Variants in KDM4E observed in about 807,000 individuals in gnomAD.
The protein encoded by KDM4E is lysine-specific demethylase 4E.
For missense variants in KDM4E, 576 were observed against 642.6 expected (o/e 0.90, Z 1.12); for synonymous variants, 229 against 232.9 (o/e 0.98, Z 0.15).
rs1858286039 is a variant in KDM4E, at chr11:95,027,473, T to C, written c.*395T>C. 1.0e-5 allele frequency: 2 copies of C among 197,582 alleles called. No individual in the cohort carries two copies. Among genetic ancestry groups the C allele is most frequent in the Non-Finnish European group, 2.1e-5 (2 of 95,024 alleles). The allele number at this position is 197,582 out of a possible 1,614,324, so 12.2% of individuals were successfully genotyped here. On this transcript the variant is annotated 3_prime_UTR_variant, in exon 1 of 1. Transcript: ENST00000450979. The stretch of plus-strand genomic sequence containing the variant: ...TGAGTTTAGGGATATTTTCCTCCAA[T>C]ACATGATCAATCCTCTGGATCCACG...
At position 95,026,034 on chromosome 11, in the gene KDM4E, C is replaced by T. The variant is rs1488001357; in HGVS notation, c.477C>T (p.Asp159=). The change falls in exon 1 of 1, where the codon GAC becomes GAT. Residue 159 remains aspartate, a synonymous_variant. Transcript: ENST00000450979. ...WNLGHLGTIL[D]LLEQECGVVI... ...TAGGACACCTGGGAACAATTCTGGA[C>T]CTGTTGGAGCAGGAATGTGGGGTTG... is the stretch of plus-strand genomic sequence containing the variant. The T allele has an allele frequency of 6.2e-7, 1 of 1,611,310 alleles. No individual in the cohort carries two copies. The highest frequency in any genetic ancestry group is 8.5e-7 in the Non-Finnish European group (1 of 1,178,266).
rs782120741 is a variant in KDM4E, at chr11:95,025,747, G to C, written c.190G>C (p.Glu64Gln). The C allele has an allele frequency of 1.3e-6, 2 of 1,585,416 alleles. No homozygotes were observed. The highest frequency in any genetic ancestry group is 2.3e-5 in the East Asian group (1 of 43,880). Residue 64 changes from glutamate to glutamine, a missense_variant, in exon 1 of 1, where the codon GAA becomes CAA. Physicochemically the swap from Glu to Gln is conservative, Grantham distance 29. Transcript: ENST00000450979. ...AGCCAGACAGATGTATGATGATATC[G>C]AAGACATCTTAATAGCCACTCCCCT... ...WKARQMYDDI[E>Q]DILIATPLQQ...
Position 95,027,345 on chromosome 11 carries a change from A to C in KDM4E, c.*267A>C. Reference sequence around the variant, plus strand: ...GACACTTGCCTGGTGAACATGGGCAAGGCTGTAGCAATGGACCACTTTTAC... The same window carrying C: ...GACACTTGCCTGGTGAACATGGGCACGGCTGTAGCAATGGACCACTTTTAC... On this transcript the variant is annotated 3_prime_UTR_variant, in exon 1 of 1. Coordinates refer to ENST00000450979, the MANE Select transcript of KDM4E (RefSeq NM_001161630.1). 2.0e-6 allele frequency: 1 copy of C among 495,260 alleles called. No individual in the cohort carries two copies. The highest frequency in any genetic ancestry group is 3.6e-6 in the Non-Finnish European group (1 of 279,796). The allele number at this position is 495,260 out of a possible 1,614,324, so 30.7% of individuals were successfully genotyped here.
chr11:95,025,623 G>A lies in KDM4E; in HGVS notation c.66G>A (p.Met22Ile), dbSNP rs782792465. 5.9e-6 allele frequency: 9 copies of A among 1,537,522 alleles called. No individual in the cohort carries two copies. Among genetic ancestry groups the A allele is most frequent in the Admixed American group, 3.9e-5 (2 of 51,050 alleles). ...CCATCATGACGTTTTACCCAACCATGGAAGAATTTGCAGATTTCAACACAT... is the reference window on the plus strand; with the variant it reads ...CCATCATGACGTTTTACCCAACCATAGAAGAATTTGCAGATTTCAACACAT... ...SHTIMTFYPT[M>I]EEFADFNTYV... is the part of the protein sequence containing the mutation. Residue 22 changes from methionine to isoleucine, a missense_variant, in exon 1 of 1, where the codon ATG (methionine) becomes ATA (isoleucine). Physicochemically the swap from Met to Ile is conservative, Grantham distance 10. Transcript: ENST00000450979.
rs1292060657 is a variant in KDM4E, at chr11:95,025,497, A to T, written c.-61A>T. The T allele has an allele frequency of 1.4e-6, 2 of 1,462,752 alleles. No individual in the cohort carries two copies. The highest frequency in any genetic ancestry group is 1.8e-6 in the Non-Finnish European group (2 of 1,110,906). 90.6% of individuals were successfully genotyped at this position (1,462,752 alleles called of 1,614,324 possible). A position where few individuals can be genotyped will look rare whatever the true frequency, so the allele number is the denominator to read the frequency against. On this transcript the variant is annotated 5_prime_UTR_variant, in exon 1 of 1. Coordinates refer to ENST00000450979, the MANE Select transcript of KDM4E (RefSeq NM_001161630.1). ...GGGAGAAAAGAAATTACTCCCCAGA[A>T]CTCTCAGGCATCTAGAGGACACCCA...
rs1858284305 is a variant in KDM4E at position 95,027,320 on chromosome 11, G to A, written c.*242G>A. ...ACTGGAACTGATTAAGTTCACCAGG[G>A]ACACTTGCCTGGTGAACATGGGCAA... is the stretch of plus-strand genomic sequence containing the variant. On this transcript the variant is annotated 3_prime_UTR_variant, in exon 1 of 1. Coordinates refer to ENST00000450979, the MANE Select transcript of KDM4E (RefSeq NM_001161630.1). 1 of 555,600 alleles carries A rather than the reference G, an allele frequency of 1.8e-6. No homozygotes were observed. The highest frequency in any genetic ancestry group is 2.6e-5 in the South Asian group (1 of 38,854). The allele number at this position is 555,600 out of a possible 1,614,324, so 34.4% of individuals were successfully genotyped here. A position where few individuals can be genotyped will look rare whatever the true frequency, so the allele number is the denominator to read the frequency against.
Position 95,026,763 on chromosome 11 carries a change from G to C in KDM4E, c.1206G>C (p.Val402=). 1 of 1,537,272 alleles carries C rather than the reference G, an allele frequency of 6.5e-7. No individual in the cohort carries two copies. Among genetic ancestry groups the C allele is most frequent in the Non-Finnish European group, 8.7e-7 (1 of 1,146,912 alleles). ...CAAAAGGCTGTGGCACTGATGCTGT[G>C]CCTGGATCCGCATTCCAAAGCTCTG... is the stretch of plus-strand genomic sequence containing the variant. The part of the protein sequence containing the change: ...YNPKGCGTDA[V]PGSAFQSSAY... Residue 402 remains valine (V), a synonymous_variant, in exon 1 of 1, where the codon GTG becomes GTC. Transcript: ENST00000450979.
chr11:95,025,406 C>G lies in KDM4E; in HGVS notation c.-152C>G, dbSNP rs1183968658. On this transcript the variant is annotated 5_prime_UTR_variant, in exon 1 of 1. Coordinates refer to ENST00000450979, the MANE Select transcript of KDM4E (RefSeq NM_001161630.1). ...GTCAGAAAGCCTGTGAAAGATCTCA[C>G]TTGTTCAAAAGTCCAAGTGTGAATT... The G allele has an allele frequency of 8.6e-7, 1 of 1,168,452 alleles. No homozygotes were observed. The highest frequency in any genetic ancestry group is 2.6e-5 in the East Asian group (1 of 38,634). The allele number at this position is 1,168,452 out of a possible 1,614,324, so 72.4% of individuals were successfully genotyped here. A position where few individuals can be genotyped will look rare whatever the true frequency, so the allele number is the denominator to read the frequency against.
In KDM4E at chr11:95,025,681, C is replaced by G. The variant is rs562370336; in HGVS notation, c.124C>G (p.Gln42Glu). The change falls in exon 1 of 1, where the codon CAA becomes GAA. Residue 42 changes from glutamine (Q) to glutamate (E), a missense_variant. Coordinates refer to ENST00000450979, the MANE Select transcript of KDM4E (RefSeq NM_001161630.1). ...TTACATGGAGTCCCAAGGCGCACAT[C>G]AAGCTGGCCTTGCCAAGGTAATTCC... Reference protein sequence around the residue: ...VAYMESQGAHQAGLAKVIPPK... With the variant: ...VAYMESQGAHEAGLAKVIPPK... The G allele has an allele frequency of 6.4e-7, 1 of 1,552,592 alleles. No individual in the cohort carries two copies. The highest frequency in any genetic ancestry group is 1.2e-5 in the South Asian group (1 of 85,264).
In KDM4E at chr11:95,026,620, C is replaced by G. The variant is rs1257809892; in HGVS notation, c.1063C>G (p.Leu355Val). ...GCCCAGGGTTGCAGAAAGCCAAGAG[C>G]TGAGCAACTGGAGAGATGATATAGT... ...TEPRVAESQE[L>V]SNWRDDIVLR... The change falls in exon 1 of 1, where the codon CTG (leucine) becomes GTG (valine). Residue 355 changes from leucine (L) to valine (V), a missense_variant. Coordinates refer to ENST00000450979, the MANE Select transcript of KDM4E (RefSeq NM_001161630.1). 15 of 1,537,300 alleles carry G rather than the reference C, an allele frequency of 9.8e-6. No individual in the cohort carries two copies. The highest frequency in any genetic ancestry group is 1.3e-5 in the Non-Finnish European group (15 of 1,146,934).
At position 95,026,929 on chromosome 11, in the gene KDM4E, G is replaced by C. The variant is rs1333229763; in HGVS notation, c.1372G>C (p.Gly458Arg). Residue 458 changes from glycine (G) to arginine (R), a missense_variant, in exon 1 of 1, where the codon GGT becomes CGT. Physicochemically the swap from Gly to Arg is moderately radical, Grantham distance 125. Transcript: ENST00000450979. Reference protein sequence around the residue: ...GRGCSRGRGHGCCTRELGTEE... With the variant: ...GRGCSRGRGHRCCTRELGTEE... ...AGGTTGCAGTCGTGGTCGTGGTCAT[G>C]GTTGTTGTACTCGAGAACTGGGGAC... 2.0e-6 allele frequency: 3 copies of C among 1,537,110 alleles called. No homozygotes were observed. The highest frequency in any genetic ancestry group is 2.6e-6 in the Non-Finnish European group (3 of 1,146,920).
rs1858286633 is a variant in KDM4E at position 95,027,535 on chromosome 11, T to C, written c.*457T>C. The C allele has an allele frequency of 6.1e-6, 1 of 164,776 alleles. No homozygotes were observed. Among genetic ancestry groups the C allele is most frequent in the Admixed American group, 5.5e-5 (1 of 18,158 alleles). 10.2% of individuals were successfully genotyped at this position (164,776 alleles called of 1,614,324 possible). A position where few individuals can be genotyped will look rare whatever the true frequency, so the allele number is the denominator to read the frequency against. On this transcript the variant is annotated 3_prime_UTR_variant, in exon 1 of 1. Transcript: ENST00000450979. ...TGGTGACAAATGTCAGTGTCTCTCTTATTCCAACCCCAGGATCAGAGAAGA... is the reference window on the plus strand; with the variant it reads ...TGGTGACAAATGTCAGTGTCTCTCTCATTCCAACCCCAGGATCAGAGAAGA...
Position 95,026,320 on chromosome 11 carries a change from G to T in KDM4E, c.763G>T (p.Gly255Trp), listed in dbSNP as rs959775298. 1 of 1,614,038 alleles carries T rather than the reference G, an allele frequency of 6.2e-7. No individual in the cohort carries two copies. The change falls in exon 1 of 1, where the codon GGG becomes TGG. Residue 255 changes from glycine to tryptophan, a missense_variant. Coordinates refer to ENST00000450979, the MANE Select transcript of KDM4E (RefSeq NM_001161630.1). ...LISPTVLKEN[G>W]IPFNCMTQEA... ...CTCGCCTACAGTTCTCAAGGAAAAT[G>T]GGATTCCCTTCAATTGCATGACTCA...
Position 95,026,975 on chromosome 11 carries a change from C to T in KDM4E, c.1418C>T (p.Pro473Leu). 1 of 1,537,242 alleles carries T rather than the reference C, an allele frequency of 6.5e-7. No individual in the cohort carries two copies. Among genetic ancestry groups the T allele is most frequent in the African/African-American group, 1.4e-5 (1 of 73,156 alleles). ...GGGACTGAGGAGCCAACTGTTCAGC[C>T]TGCATCCAAGAGGCGCCTTTTAATG... ...ELGTEEPTVQ[P>L]ASKRRLLMGT... The change falls in exon 1 of 1, where the codon CCT (proline) becomes CTT (leucine). Residue 473 changes from proline to leucine, a missense_variant. Coordinates refer to ENST00000450979, the MANE Select transcript of KDM4E (RefSeq NM_001161630.1).
In KDM4E at chr11:95,026,319, T is replaced by G; in HGVS notation, c.762T>G (p.Asn254Lys). Residue 254 changes from asparagine to lysine, a missense_variant, in exon 1 of 1, where the codon AAT becomes AAG. Coordinates refer to ENST00000450979, the MANE Select transcript of KDM4E (RefSeq NM_001161630.1). Reference sequence around the variant, plus strand: ...TCTCGCCTACAGTTCTCAAGGAAAATGGGATTCCCTTCAATTGCATGACTC... The same window carrying G: ...TCTCGCCTACAGTTCTCAAGGAAAAGGGGATTCCCTTCAATTGCATGACTC... The part of the protein sequence containing the change: ...ALISPTVLKE[N>K]GIPFNCMTQE... The G allele has an allele frequency of 1.2e-6, 2 of 1,613,904 alleles. No individual in the cohort carries two copies. The highest frequency in any genetic ancestry group is 1.7e-6 in the Non-Finnish European group (2 of 1,179,988).
Position 95,027,118 on chromosome 11 carries a change from G to T in KDM4E, c.*40G>T. The T allele has an allele frequency of 2.0e-6, 3 of 1,526,142 alleles. No individual in the cohort carries two copies. Among genetic ancestry groups the T allele is most frequent in the Non-Finnish European group, 2.6e-6 (3 of 1,140,780 alleles). 94.5% of individuals were successfully genotyped at this position (1,526,142 alleles called of 1,614,324 possible). The stretch of plus-strand genomic sequence containing the variant: ...CATCTTGCCAAGGCTTCTGGCTGCT[G>T]CTGTGTCCCTGATCTTCAACTCCTG... On this transcript the variant is annotated 3_prime_UTR_variant, in exon 1 of 1. Transcript: ENST00000450979.
At position 95,026,872 on chromosome 11, in the gene KDM4E, C is replaced by T. The variant is rs1555103037; in HGVS notation, c.1315C>T (p.Arg439Cys). ...LPSTGSWGSG[R>C]GRGRGQGQGR... ...TTCCACTGGAAGCTGGGGTTCTGGTCGTGGTCGTGGTCGTGGTCAAGGTCA... is the reference window on the plus strand; with the variant it reads ...TTCCACTGGAAGCTGGGGTTCTGGTTGTGGTCGTGGTCGTGGTCAAGGTCA... Residue 439 changes from arginine (R) to cysteine (C), a missense_variant, in exon 1 of 1, where the codon CGT becomes TGT. Coordinates refer to ENST00000450979, the MANE Select transcript of KDM4E (RefSeq NM_001161630.1). 9 of 1,536,602 alleles carry T rather than the reference C, an allele frequency of 5.9e-6. No homozygotes were observed. The Admixed American group carries it at 5.9e-5, about 10-fold the overall frequency.
In KDM4E at chr11:95,026,325, T is replaced by A. The variant is rs537187609; in HGVS notation, c.768T>A (p.Ile256=). Residue 256 remains isoleucine, a synonymous_variant, in exon 1 of 1, where the codon ATT becomes ATA. Coordinates refer to ENST00000450979, the MANE Select transcript of KDM4E (RefSeq NM_001161630.1). Reference sequence around the variant, plus strand: ...CTACAGTTCTCAAGGAAAATGGGATTCCCTTCAATTGCATGACTCAGGAGG... The same window carrying A: ...CTACAGTTCTCAAGGAAAATGGGATACCCTTCAATTGCATGACTCAGGAGG... ...ISPTVLKENG[I]PFNCMTQEAG... The A allele has an allele frequency of 6.2e-7, 1 of 1,613,862 alleles. No individual in the cohort carries two copies. Among genetic ancestry groups the A allele is most frequent in the Admixed American group, 1.7e-5 (1 of 59,988 alleles).
At position 95,026,844 on chromosome 11, in the gene KDM4E, C is replaced by T. The variant is rs1555103031; in HGVS notation, c.1287C>T (p.Leu429=). Residue 429 remains leucine, a synonymous_variant, in exon 1 of 1, where the codon CTC becomes CTT. Transcript: ENST00000450979. ...LTLGMSARVL[L]PSTGSWGSGR... is the part of the protein sequence containing the mutation. The stretch of plus-strand genomic sequence containing the variant: ...TGGGGATGTCAGCCAGGGTTCTTCT[C>T]CCTTCCACTGGAAGCTGGGGTTCTG... The T allele has an allele frequency of 1.4e-5, 21 of 1,537,236 alleles. No individual in the cohort carries two copies. The highest frequency in any genetic ancestry group is 1.7e-5 in the Non-Finnish European group (19 of 1,146,904).
Sources: gnomAD v4.1 joint callset for allele counts on GRCh38, gnomAD v4.1.1 for gene constraint, MANE v1.5 for transcripts, NCBI Gene and HGNC (gene_info 2026-07-23, HGNC 2026-07-21) for gene names.